BRAF: variants seen among roughly 807,000 people sequenced by gnomAD.
The protein encoded by BRAF is B-Raf proto-oncogene, serine/threonine kinase.
A neutral mutation model predicts 104.6 loss-of-function variants in BRAF; 16 were observed. The ratio of observed to expected loss-of-function variants is 0.15; its 90% CI spans 0.10 to 0.23. The LOEUF is 0.23. Ranked by LOEUF, BRAF falls within the 10% of genes least tolerant of loss-of-function variation. BRAF has a pLI of 1.00. For synonymous variants in BRAF, 310 were observed against 341.6 expected (o/e 0.91, Z 1.02); for missense variants, 541 against 937.3 (o/e 0.58, Z 5.52).
Position 140,739,964 on chromosome 7 carries a change from AG to A in BRAF, c.2113-19del. 6.2e-7 allele frequency: 1 copy of A among 1,611,580 alleles called. No homozygotes were observed. The highest frequency in any genetic ancestry group is 8.5e-7 in the Non-Finnish European group (1 of 1,178,826). ...AAAATTATCTGGAGAGAGAAAAAAA[AG>A]GGAAATAATTCAACCTTGTAGATAA... On this transcript the variant is annotated intron_variant, in intron 17 of 19. Transcript: ENST00000644969.
intron 16 of BRAF, among the ~76,000 whole-genome samples, chr7:140,752,018 A>G (rs184187417): frequency 3.5e-4 from 53 of 152,352 alleles, no homozygotes; most frequent in Middle Eastern, 3.4e-3. Flanking sequence ...ATGATAAAGA[A>G]CTTTTGTTTA....
chr7:140,721,423 T>C lies in BRAF; in HGVS notation c.*5071A>G, dbSNP rs1795319391. On this transcript the variant is annotated 3_prime_UTR_variant, in exon 20 of 20. Coordinates refer to ENST00000644969, the MANE Select transcript of BRAF (RefSeq NM_001374258.1). ...TTTCCACAATTAACAAAAATTAGAA[T>C]TGAATTTCAATTTAAATGTCTTTGC... 3.2e-6 allele frequency: 4 copies of C among 1,252,372 alleles called. No individual in the cohort carries two copies. Among genetic ancestry groups the C allele is most frequent in the Middle Eastern group, 2.8e-4 (1 of 3,594 alleles). The allele number at this position is 1,252,372 out of a possible 1,614,324, so 77.6% of individuals were successfully genotyped here.
chr7:140,715,713 T>C (rs1554493134), downstream of BRAF, among the ~76,000 whole-genome samples: 4 of 152,188 alleles, frequency 2.6e-5, no homozygotes, highest in Non-Finnish European at 5.9e-5. Context: ...TATGGGAAAA[T>C]ACTTAACGTG....
intron 5 of BRAF, among the ~76,000 whole-genome samples, chr7:140,807,022 T>C (rs191490035): frequency 1.3e-5 from 2 of 152,276 alleles, no homozygotes; most frequent in East Asian, 1.9e-4. Flanking sequence ...GTAAGAAATG[T>C]ATTCCTGATT....
At chr7:140,890,429 A>G (rs1156991217) in intron 1 of BRAF, among the ~76,000 whole-genome samples, 3 of 152,200 alleles carry the variant, frequency 2.0e-5, no homozygotes, top group Non-Finnish European at 4.4e-5. Flanking sequence ...AGTTGAGGAT[A>G]CAGTGGTGAG....
intron 8 of BRAF, among the ~76,000 whole-genome samples, chr7:140,792,052 T>C (rs1802019968): frequency 6.6e-6 from 1 of 152,208 alleles, no homozygotes; most frequent in Non-Finnish European, 1.5e-5. Context: ...GTAAAGCACT[T>C]AGCATAGTAC....
At position 140,855,473 on chromosome 7, in the gene BRAF, T is replaced by A. The variant is rs541570662; in HGVS notation, c.139-5261A>T. Among the ~76,000 whole-genome samples, 323 of 151,698 alleles carry A rather than the reference T, an allele frequency of 2.1e-3. 5 individuals carry two copies. The South Asian group carries it at 0.024, about 11-fold the overall frequency. On this transcript the variant is annotated intron_variant, in intron 1 of 19. Transcript: ENST00000644969. ...CAAAAAAAAGACTGAGAATTTTTTT[T>A]AAAAAATCCTAGAAGATGCCCATGT...
At chr7:140,730,485 A>G (rs1316536977) in intron 19 of BRAF, among the ~76,000 whole-genome samples, 180 bp downstream of exon 18, 1 of 151,954 alleles carries the variant, frequency 6.6e-6, no homozygotes, top group Admixed American at 6.6e-5. Flanking sequence ...CTTGTGCCTC[A>G]GCCTCCCAAG....
intron 1 of BRAF, among the ~76,000 whole-genome samples, chr7:140,886,488 A>G (rs1049532652): frequency 6.6e-6 from 1 of 152,214 alleles, no homozygotes; most frequent in African/African-American, 2.4e-5. Flanking sequence ...CTCCTGCCTC[A>G]TCAGGCACTA....
At chr7:140,774,682 A>G (rs2129016691) in intron 14 of BRAF, among the ~76,000 whole-genome samples, 1 of 152,162 alleles carries the variant, frequency 6.6e-6, no homozygotes, top group East Asian at 1.9e-4. Context: ...ACACCTTGCT[A>G]AATTTTTTAT....
At position 140,778,771 on chromosome 7, in the gene BRAF, C is replaced by T. The variant is rs541607240; in HGVS notation, c.1553-696G>A. On this transcript the variant is annotated intron_variant, in intron 12 of 19. Coordinates refer to ENST00000644969, the MANE Select transcript of BRAF (RefSeq NM_001374258.1). ...AAAACTTTATGTGAAACAGCTGTAA[C>T]GTCAACACTGCCAGTAGGTGTTTAA... Among the ~76,000 whole-genome samples, 5 of 151,636 alleles carry T rather than the reference C, an allele frequency of 3.3e-5. No homozygotes were observed. In the East Asian group the frequency reaches 5.8e-4, roughly 18 times the overall value.
At chr7:140,872,855 C>T (rs1487997164) in intron 1 of BRAF, among the ~76,000 whole-genome samples, 2 of 151,670 alleles carry the variant, frequency 1.3e-5, no homozygotes, top group Admixed American at 6.6e-5. Context: ...TGGAGGGATA[C>T]AAAATTAAAC....
intron 2 of BRAF, among the ~76,000 whole-genome samples, chr7:140,847,655 T>C (rs930332824): frequency 2.6e-5 from 4 of 152,182 alleles, no homozygotes; most frequent in African/African-American, 9.6e-5. Context: ...CAACTATTTA[T>C]AGAATTCTTA....
chr7:140,729,261 C>T (rs911844926), intron 19 of BRAF, among the ~76,000 whole-genome samples: 3 of 151,934 alleles, frequency 2.0e-5, no homozygotes, highest in African/African-American at 7.2e-5. Context: ...CACACACGCA[C>T]ACAACTTCAG....
chr7:140,834,034 A>G (rs1378113054), intron 3 of BRAF: 1 of 156,970 alleles, frequency 6.4e-6, no homozygotes, highest in Admixed American at 6.1e-5. Context: ...TGATGTATAC[A>G]GATGGGTTAC....
intron 1 of BRAF, among the ~76,000 whole-genome samples, chr7:140,856,423 T>C (rs1809786658): frequency 1.3e-5 from 2 of 152,122 alleles, no homozygotes; most frequent in Non-Finnish European, 2.9e-5. Context: ...ATAATCAGTT[T>C]GACAAAGAAA....
chr7:140,878,770 T>A lies in BRAF; in HGVS notation c.139-28558A>T, dbSNP rs148986088. ...AATGTTTCCAGCACAAAGATAAATG[T>A]TTAAGGTGATGGGTATCCCAATCAC... On this transcript the variant is annotated intron_variant, in intron 1 of 19. Coordinates refer to ENST00000644969, the MANE Select transcript of BRAF (RefSeq NM_001374258.1). Among the ~76,000 whole-genome samples the A allele has an allele frequency of 3.3e-5, 5 of 152,318 alleles. No homozygotes were observed. In the East Asian group the frequency reaches 7.7e-4, roughly 23 times the overall value.
intron 1 of BRAF, among the ~76,000 whole-genome samples, chr7:140,894,172 G>C (rs1814603837): frequency 6.6e-6 from 1 of 152,070 alleles, no homozygotes; most frequent in East Asian, 1.9e-4. Flanking sequence ...AGTTAGCAGG[G>C]TTCAAGAAAG....
In BRAF at chr7:140,722,544, T is replaced by C; in HGVS notation, c.*3950A>G. 9.5e-7 allele frequency: 1 copy of C among 1,056,966 alleles called. No homozygotes were observed. Among genetic ancestry groups the C allele is most frequent in the Non-Finnish European group, 1.1e-6 (1 of 874,084 alleles). The allele number at this position is 1,056,966 out of a possible 1,614,324, so 65.5% of individuals were successfully genotyped here. On this transcript the variant is annotated 3_prime_UTR_variant, in exon 20 of 20. Transcript: ENST00000644969. ...GTTCATACTCACAGTAAACCTTCCA[T>C]CTCTGGCTATGGTGTTTATAGCCTA... is the stretch of plus-strand genomic sequence containing the variant.
Sources: allele counts gnomAD v4.1 joint callset (sites outside exome capture counted in the v4.1 genomes callset), GRCh38; gene constraint gnomAD v4.1.1; transcripts MANE v1.5; gene names NCBI Gene and HGNC (gene_info 2026-07-23, HGNC 2026-07-21).